UAP1L1: variants seen among roughly 807,000 people sequenced by gnomAD.
The protein encoded by UAP1L1 is UDP-N-acetylhexosamine pyrophosphorylase-like protein 1.
UAP1L1 carries 45 observed loss-of-function variants against 45.3 expected under a neutral mutation model. The ratio of observed to expected loss-of-function variants is 0.99; its 90% CI spans 0.78 to 1.27. The LOEUF (loss-of-function observed/expected upper bound fraction) is 1.27. UAP1L1 is among the 50% of genes most tolerant of loss of function. The probability of loss-of-function intolerance (pLI) is 0.00; values close to 1 mark genes in which losing one functional copy is unlikely to be tolerated. For synonymous variants in UAP1L1, 323 were observed against 303.9 expected, an observed-to-expected ratio of 1.06 and a Z score of -0.65; for missense variants, 667 against 694.0, an observed-to-expected ratio of 0.96 and a Z score of 0.44.
chr9:137,079,765 T>C, intron 5 of UAP1L1: 2 of 608,430 alleles, frequency 3.3e-6, no homozygotes, highest in Non-Finnish European at 5.7e-6. Context: ...TGCCAGTTTG[T>C]TTGCCTGGGC....
chr9:137,080,379 C>A (rs373282077), intron 6 of UAP1L1: 3 of 598,602 alleles, frequency 5.0e-6, no homozygotes, highest in Admixed American at 3.1e-5. Flanking sequence ...ACCTCCCGGA[C>A]CTTCCACTGC....
chr9:137,080,293 C>A, intron 6 of UAP1L1, 151 bp downstream of exon 6: 1 of 1,011,876 alleles, frequency 9.9e-7, no homozygotes, highest in Non-Finnish European at 1.5e-6. Context: ...GTGCTCTTGG[C>A]CCTGAGGGTA....
rs1033991600 is a variant in UAP1L1, at chr9:137,078,615, C to T, written c.608C>T (p.Pro203Leu). ...GTCATGTTTGAGCAGCGCCTGCTGCCTGCTGTGACCTTTGATGGCAAGGTT... is the reference window on the plus strand; with the variant it reads ...GTCATGTTTGAGCAGCGCCTGCTGCTTGCTGTGACCTTTGATGGCAAGGTT... ...NVVMFEQRLL[P>L]AVTFDGKVIL... The change falls in exon 3 of 9, where the codon CCT (proline) becomes CTT (leucine). Residue 203 changes from proline to leucine, a missense_variant. Physicochemically the swap from Pro to Leu is moderately conservative, Grantham distance 98. Coordinates refer to ENST00000409858, the MANE Select transcript of UAP1L1 (RefSeq NM_207309.3). 90 of 1,613,002 alleles carry T rather than the reference C, an allele frequency of 5.6e-5. No individual in the cohort carries two copies. The highest frequency in any genetic ancestry group is 6.9e-5 in the Non-Finnish European group (81 of 1,180,010).
chr9:137,081,923 A>T (rs567247113), intron 7 of UAP1L1, 75 bp from the exon 8 acceptor site: 32 of 1,384,338 alleles, frequency 2.3e-5, no homozygotes, highest in African/African-American at 2.9e-5. Flanking sequence ...TCAGTCTCCT[A>T]TCGGGACTGG....
At chr9:137,078,709 G>A (rs765233856) in intron 3 of UAP1L1, 32 bp downstream of exon 3, 4 of 1,590,132 alleles carry the variant, frequency 2.5e-6, no homozygotes, top group South Asian at 2.3e-5. Context: ...GGGAGGGACC[G>A]CCCAGACTAG....
chr9:137,078,909 G>T, intron 3 of UAP1L1, 67 bp from the exon 4 acceptor site: 1 of 1,523,430 alleles, frequency 6.6e-7, no homozygotes, highest in Non-Finnish European at 8.8e-7. Flanking sequence ...CCTCCAGCAC[G>T]TCCTAGACTC....
In UAP1L1 at chr9:137,079,335, G is replaced by A. The variant is rs1273108396; in HGVS notation, c.923G>A (p.Ser308Asn). 5.0e-6 allele frequency: 8 copies of A among 1,613,210 alleles called. No individual in the cohort carries two copies. Among genetic ancestry groups the A allele is most frequent in the Non-Finnish European group, 6.8e-6 (8 of 1,179,882 alleles). ...GGTGTCCCCCAGGTGGTGGAGTACA[G>A]CGAGATCAGTCCTGAGACCGCACAG... ...VDGVPQVVEY[S>N]EISPETAQLR... Residue 308 changes from serine to asparagine, a missense_variant, in exon 5 of 9, where the codon AGC (serine) becomes AAC (asparagine). By Grantham distance (46) the Ser-to-Asn change is conservative. Coordinates refer to ENST00000409858, the MANE Select transcript of UAP1L1 (RefSeq NM_207309.3).
At position 137,078,518 on chromosome 9, in the gene UAP1L1, G is replaced by C. The variant is rs547520003; in HGVS notation, c.511G>C (p.Glu171Gln). The C allele has an allele frequency of 6.2e-7, 1 of 1,613,092 alleles. No individual in the cohort carries two copies. The highest frequency in any genetic ancestry group is 1.1e-5 in the South Asian group (1 of 91,092). ...CCCTTGCAGGTACGTCATGACCAGCGAGTTCACTCTGGGGCCCACGGCCGA... is the reference window on the plus strand; with the variant it reads ...CCCTTGCAGGTACGTCATGACCAGCCAGTTCACTCTGGGGCCCACGGCCGA... ...CTVPWYVMTS[E>Q]FTLGPTAEFF... Residue 171 changes from glutamate to glutamine, a missense_variant, in exon 3 of 9, where the codon GAG (glutamate) becomes CAG (glutamine). By Grantham distance (29) the Glu-to-Gln change is conservative. Transcript: ENST00000409858.
chr9:137,080,916 C>G, intron 7 of UAP1L1, 42 bp downstream of exon 7: 1 of 1,492,410 alleles, frequency 6.7e-7, no homozygotes, highest in Non-Finnish European at 8.9e-7. Flanking sequence ...AAGGGGAGGG[C>G]TGTCAGGACC....
At position 137,079,992 on chromosome 9, in the gene UAP1L1, C is replaced by T. The variant is rs140579603; in HGVS notation, c.1038-10C>T. On this transcript the variant is annotated splice_polypyrimidine_tract_variant and intron_variant, in intron 5 of 8. Coordinates refer to ENST00000409858, the MANE Select transcript of UAP1L1 (RefSeq NM_207309.3). The stretch of plus-strand genomic sequence containing the variant: ...GTTTCTTTCCTCCCCTCTGCTCTCC[C>T]GTGCCCCAGGGAGTTTGAGCCTTTG... 2,753 of 1,613,052 alleles carry T rather than the reference C, an allele frequency of 1.7e-3. 23 individuals are homozygous for T. The highest frequency in any genetic ancestry group is 8.1e-3 in the East Asian group (363 of 44,886).
At position 137,078,610 on chromosome 9, in the gene UAP1L1, G is replaced by A; in HGVS notation, c.603G>A (p.Leu201=). 2 of 1,613,152 alleles carry A rather than the reference G, an allele frequency of 1.2e-6. No individual in the cohort carries two copies. The highest frequency in any genetic ancestry group is 1.7e-6 in the Non-Finnish European group (2 of 1,180,010). The change falls in exon 3 of 9, where the codon CTG becomes CTA. Residue 201 remains leucine (L), a synonymous_variant. Coordinates refer to ENST00000409858, the MANE Select transcript of UAP1L1 (RefSeq NM_207309.3). ...ACGTGGTCATGTTTGAGCAGCGCCT[G>A]CTGCCTGCTGTGACCTTTGATGGCA... is the stretch of plus-strand genomic sequence containing the variant. ...PANVVMFEQR[L]LPAVTFDGKV...
chr9:137,081,350 CG>C (rs1832785157), intron 7 of UAP1L1, among the ~76,000 whole-genome samples: 1 of 151,404 alleles, frequency 6.6e-6, no homozygotes, highest in Non-Finnish European at 1.5e-5. Flanking sequence ...TACAGGCGCC[CG>C]CCACCACGCC....
rs761412874 is a variant in UAP1L1, at chr9:137,084,392, T to G, written c.*1663T>G. ...GGTTTGACCGTGTTAGCCAGGATGG[T>G]CTCGATCTCCTGACCTCGTGATCCA... On this transcript the variant is annotated 3_prime_UTR_variant, in exon 9 of 9. Transcript: ENST00000409858. 6.6e-6 allele frequency: 1 copy of G among 152,170 alleles called. No homozygotes were observed. The highest frequency in any genetic ancestry group is 1.5e-5 in the Non-Finnish European group (1 of 68,066). 9.4% of individuals were successfully genotyped at this position (152,170 alleles called of 1,614,324 possible).
chr9:137,078,105 G>A lies in UAP1L1; in HGVS notation c.345G>A (p.Gln115=), dbSNP rs1197940972. The change falls in exon 2 of 9, where the codon CAG becomes CAA. Residue 115 remains glutamine (Q), a synonymous_variant. Coordinates refer to ENST00000409858, the MANE Select transcript of UAP1L1 (RefSeq NM_207309.3). ...CCGTCCTGCTGCTGGCTGGGGGGCAGGGCACTCGCCTGGGCGTGACCTACC... is the reference window on the plus strand; with the variant it reads ...CCGTCCTGCTGCTGGCTGGGGGGCAAGGCACTCGCCTGGGCGTGACCTACC... ...KVAVLLLAGG[Q]GTRLGVTYPK... is the part of the protein sequence containing the mutation. 6.5e-7 allele frequency: 1 copy of A among 1,550,182 alleles called. No homozygotes were observed. The highest frequency in any genetic ancestry group is 2.4e-5 in the East Asian group (1 of 40,900).
rs529235424 is a variant in UAP1L1, at chr9:137,080,152, A to G, written c.1178+10A>G. 1.2e-6 allele frequency: 2 copies of G among 1,613,630 alleles called. No individual in the cohort carries two copies. The highest frequency in any genetic ancestry group is 2.2e-5 in the South Asian group (2 of 91,026). ...TGTTCCGGTTTGCTAAGTTAGTAGT[A>G]GAACTCATTTATTTTCCCCTTCTTC... is the stretch of plus-strand genomic sequence containing the variant. On this transcript the variant is annotated intron_variant, in intron 6 of 8. Transcript: ENST00000409858.
chr9:137,080,620 C>T (rs1239108871), intron 6 of UAP1L1, 69 bp from the exon 7 acceptor site: 1 of 1,482,904 alleles, frequency 6.7e-7, no homozygotes, highest in Admixed American at 2.0e-5. Flanking sequence ...GGAAACCTGG[C>T]CCAGCTCTCA....
intron 5 of UAP1L1, 177 bp downstream of exon 5, chr9:137,079,626 G>A: frequency 1.6e-6 from 1 of 629,250 alleles, no homozygotes; most frequent in Non-Finnish European, 2.7e-6. Context: ...TGCAAAGGCA[G>A]AGGTGCTGGA....
Position 137,082,672 on chromosome 9 carries a change from G to T in UAP1L1, c.1467G>T (p.Gln489His), listed in dbSNP as rs1832808419. ...LEVYLQGREFQSPLILDEDQA... is the reference protein window; with the variant it reads ...LEVYLQGREFHSPLILDEDQA... Reference sequence around the variant, plus strand: ...TGTACCTGCAAGGCCGGGAGTTCCAGTCCCCGCTCATCCTGGATGAAGACC... The same window carrying T: ...TGTACCTGCAAGGCCGGGAGTTCCATTCCCCGCTCATCCTGGATGAAGACC... The change falls in exon 9 of 9, where the codon CAG becomes CAT. Residue 489 changes from glutamine to histidine, a missense_variant. Transcript: ENST00000409858. This position sits in a 1 kb window ranked among gnomAD's most constrained non-coding sequence, Gnocchi z 5.7. 1.3e-6 allele frequency: 2 copies of T among 1,552,158 alleles called. No homozygotes were observed. The highest frequency in any genetic ancestry group is 1.7e-4 in the Middle Eastern group (1 of 5,902).
At position 137,077,606 on chromosome 9, in the gene UAP1L1, A is replaced by G; in HGVS notation, c.74A>G (p.Glu25Gly). 7.4e-7 allele frequency: 1 copy of G among 1,352,880 alleles called. No individual in the cohort carries two copies. Among genetic ancestry groups the G allele is most frequent in the Non-Finnish European group, 9.6e-7 (1 of 1,041,208 alleles). The allele number at this position is 1,352,880 out of a possible 1,614,324, so 83.8% of individuals were successfully genotyped here. Residue 25 changes from glutamate (E) to glycine (G), a missense_variant, in exon 1 of 9, where the codon GAG (glutamate) becomes GGG (glycine). Transcript: ENST00000409858. The surrounding 1 kb of genome is among the most constrained non-coding windows in gnomAD (Gnocchi z 4.7). ...GQEHLLRFWAELAPEPRAALL... is the reference protein window; with the variant it reads ...GQEHLLRFWAGLAPEPRAALL... ...GAGCACCTCCTGCGCTTCTGGGCCG[A>G]GCTGGCGCCGGAGCCACGAGCCGCG...
Sources: allele counts gnomAD v4.1 joint callset (sites outside exome capture counted in the v4.1 genomes callset), GRCh38; gene constraint gnomAD v4.1.1; non-coding constraint Gnocchi (gnomAD v3.1); transcripts MANE v1.5; gene names NCBI Gene and HGNC (gene_info 2026-07-23, HGNC 2026-07-21).